The following STIM1 variants were observed in gnomAD, a reference collection of about 807,000 sequenced individuals.
STIM1 encodes stromal interaction molecule 1.
Under a neutral mutation model 74.7 loss-of-function variants are expected in STIM1, and 25 were observed. The ratio of observed to expected loss-of-function variants is 0.33; its 90% confidence interval spans 0.24 to 0.47. The LOEUF (loss-of-function observed/expected upper bound fraction) is 0.47, where lower values mean the gene tolerates loss of function less well. Among genes scored for constraint, STIM1 ranks in the 20% least tolerant of loss-of-function variants. The pLI is 1.00. For synonymous variants in STIM1, 328 were observed against 348.8 expected (o/e 0.94, Z 0.66); for missense variants, 728 against 920.8 (o/e 0.79, Z 2.71).
At chr11:3,914,144 TA>T (rs2092607358) in intron 1 of STIM1, among the ~76,000 whole-genome samples, 2 of 152,214 alleles carry the variant, frequency 1.3e-5, no homozygotes, top group Admixed American at 1.3e-4. Flanking sequence ...TCCCTCCTGC[TA>T]GCCTTTGTTA....
At chr11:4,030,503 G>A (rs992600043) in intron 3 of STIM1, among the ~76,000 whole-genome samples, 12 of 152,006 alleles carry the variant, frequency 7.9e-5, no homozygotes, top group African/African-American at 2.9e-4. Flanking sequence ...CCTAATGAGA[G>A]ATATGTTTAG....
intron 12 of STIM1, among the ~76,000 whole-genome samples, chr11:4,088,164 T>C (rs889827341): frequency 6.6e-6 from 1 of 152,180 alleles, no homozygotes; most frequent in African/African-American, 2.4e-5. Flanking sequence ...GCAGAGACTA[T>C]TCTTGCTAAT....
chr11:4,015,246 G>A (rs995618197), intron 2 of STIM1, among the ~76,000 whole-genome samples: 15 of 152,158 alleles, frequency 9.9e-5, no homozygotes, highest in African/African-American at 3.6e-4. Context: ...CAGGCCTGGT[G>A]GTGACAAAAT....
chr11:4,009,118 C>T (rs895709915), intron 2 of STIM1, among the ~76,000 whole-genome samples: 12 of 149,068 alleles, frequency 8.1e-5, no homozygotes, highest in Non-Finnish European at 1.5e-4. Flanking sequence ...AGTGAAACCG[C>T]GTCTCTACTA....
chr11:4,088,654 T>A, intron 12 of STIM1: 1 of 1,524,370 alleles, frequency 6.6e-7, no homozygotes, highest in Non-Finnish European at 8.8e-7. Flanking sequence ...GGTACCTGTA[T>A]CCACCTGGCC....
intron 2 of STIM1, among the ~76,000 whole-genome samples, chr11:4,019,387 A>C (rs956849436): frequency 9.9e-5 from 15 of 152,130 alleles, no homozygotes; most frequent in African/African-American, 3.6e-4. Context: ...ACAGTTGTAC[A>C]TATTGGCCAG....
intron 2 of STIM1, among the ~76,000 whole-genome samples, chr11:4,023,363 C>A (rs201309228): frequency 7.1e-6 from 1 of 140,010 alleles, no homozygotes; most frequent in African/African-American, 2.5e-5. Context: ...AAACAAACAA[C>A]CATCACAGTA....
intron 1 of STIM1, among the ~76,000 whole-genome samples, chr11:3,920,562 A>G (rs1389102628): frequency 1.3e-5 from 2 of 152,026 alleles, no homozygotes; most frequent in East Asian, 3.9e-4. Context: ...CCAACTGGTC[A>G]TTTTCTCTGT....
intron 1 of STIM1, among the ~76,000 whole-genome samples, chr11:3,881,764 G>C (rs1261322580): frequency 6.6e-6 from 1 of 151,532 alleles, no homozygotes; most frequent in Non-Finnish European, 1.5e-5. Flanking sequence ...GCTCACTGCA[G>C]CCTCCGACTC....
intron 3 of STIM1, among the ~76,000 whole-genome samples, chr11:4,025,181 A>G (rs1334563143): frequency 6.6e-6 from 1 of 152,180 alleles, no homozygotes; most frequent in Non-Finnish European, 1.5e-5. Flanking sequence ...GGAATGAGGC[A>G]GTTTCTATTT....
chr11:4,040,573 G>C (rs139767438), intron 3 of STIM1, among the ~76,000 whole-genome samples: 1 of 152,176 alleles, frequency 6.6e-6, no homozygotes, highest in Non-Finnish European at 1.5e-5. Context: ...TTCCACTGCC[G>C]GTTTTCCCAT....
chr11:3,886,128 G>A (rs1012229522), intron 1 of STIM1, among the ~76,000 whole-genome samples: 10 of 152,172 alleles, frequency 6.6e-5, no homozygotes, highest in South Asian at 4.1e-4. Context: ...TGTTATCTCC[G>A]ATGATATCTT....
intron 3 of STIM1, among the ~76,000 whole-genome samples, chr11:4,025,478 C>T (rs2093991426): frequency 6.6e-6 from 1 of 152,176 alleles, no homozygotes; most frequent in Non-Finnish European, 1.5e-5. Context: ...GAAGATTAAG[C>T]AGTGACATGA....
chr11:3,871,680 G>A (rs2091101952), intron 1 of STIM1, among the ~76,000 whole-genome samples: 3 of 152,044 alleles, frequency 2.0e-5, no homozygotes, highest in South Asian at 4.2e-4. Context: ...CCTCTTCCTA[G>A]GTTGGTTCTC....
At chr11:3,958,247 G>GCCTATAATCCTA (rs2093241582) in intron 1 of STIM1, among the ~76,000 whole-genome samples, 1 of 152,214 alleles carries the variant, frequency 6.6e-6, no homozygotes, top group East Asian at 1.9e-4. Context: ...AGTGGCAAAA[G>GCCTATAATCCTA]CCTATAATCC....
chr11:3,970,289 T>G (rs2093380003), intron 2 of STIM1, among the ~76,000 whole-genome samples: 1 of 152,168 alleles, frequency 6.6e-6, no homozygotes, highest in Non-Finnish European at 1.5e-5. Context: ...TCCACTGCTC[T>G]CCCTGCAATC....
intron 1 of STIM1, among the ~76,000 whole-genome samples, chr11:3,960,087 C>T (rs538635536): frequency 2.3e-4 from 35 of 152,272 alleles, no homozygotes; most frequent in African/African-American, 7.9e-4. Context: ...AGCATTTCTG[C>T]TGCATGTAGA....
intron 4 of STIM1, 90 bp from the exon 5 acceptor site, chr11:4,059,191 G>A: frequency 2.6e-6 from 3 of 1,132,510 alleles, no homozygotes; most frequent in East Asian, 4.8e-5. Context: ...CCAAGAGCTA[G>A]AAGTGTTCCT....
chr11:3,938,712 T>A lies in STIM1; in HGVS notation c.140-28840T>A, dbSNP rs1372370183. ...AAATATAAAAATGAGCCTGGTGTGG[T>A]GGCACATACTTGTAATCCCAGCTAC... On this transcript the variant is annotated intron_variant, in intron 1 of 12. Transcript: ENST00000526596. Among the ~76,000 whole-genome samples the A allele has an allele frequency of 2.6e-5, 4 of 152,096 alleles. No individual in the cohort carries two copies. The East Asian group carries it at 7.7e-4, about 29-fold the overall frequency.
Sources: allele counts gnomAD v4.1 joint callset (sites outside exome capture counted in the v4.1 genomes callset), GRCh38; gene constraint gnomAD v4.1.1; transcripts MANE v1.5; gene names NCBI Gene and HGNC (gene_info 2026-07-23, HGNC 2026-07-21).